The following TENM2 variants were observed in gnomAD, a reference collection of about 807,000 sequenced individuals.
TENM2 encodes teneurin transmembrane protein 2, also known as teneurin-2.
TENM2 carries 52 observed loss-of-function variants against 245.2 expected under a neutral mutation model. That is an observed-to-expected ratio of 0.21 (90% CI 0.17 to 0.27). The LOEUF is 0.27. Among genes scored for constraint, TENM2 ranks in the 10% least tolerant of loss-of-function variants. TENM2 has a pLI of 1.00. For missense variants in TENM2, 3,046 were observed against 3,666.8 expected, an observed-to-expected ratio of 0.83 and a Z score of 4.37; for synonymous variants, 1,363 against 1,438.9, an observed-to-expected ratio of 0.95 and a Z score of 1.19.
intron 2 of TENM2, among the ~76,000 whole-genome samples, chr5:167,555,520 C>T (rs1773212834): frequency 6.6e-6 from 1 of 152,156 alleles, no homozygotes; most frequent in African/African-American, 2.4e-5. Context: ...TTTTGTACAA[C>T]ATAAGAAGTC....
intron 13 of TENM2, among the ~76,000 whole-genome samples, chr5:168,177,727 C>G (rs1759483411): frequency 6.6e-6 from 1 of 152,220 alleles, no homozygotes; most frequent in African/African-American, 2.4e-5. Context: ...GTCCCAGCTA[C>G]TCAGCAGGCT....
At chr5:167,096,206 T>G in the TENM2 span, among the ~76,000 whole-genome samples, 1 of 152,180 alleles carries the variant, frequency 6.6e-6, no homozygotes, top group Non-Finnish European at 1.5e-5. Flanking sequence ...TGGAATAAAA[T>G]AAAATCAAGC....
chr5:167,409,897 C>A (rs976127556), intron 2 of TENM2, among the ~76,000 whole-genome samples: 1 of 151,688 alleles, frequency 6.6e-6, no homozygotes, highest in Admixed American at 6.6e-5. Flanking sequence ...TGAGAATCTT[C>A]TTTGTTAGTT....
At chr5:167,144,020 A>C in the TENM2 span, among the ~76,000 whole-genome samples, 1 of 152,176 alleles carries the variant, frequency 6.6e-6, no homozygotes, top group African/African-American at 2.4e-5. Context: ...ATCGCTCATC[A>C]AGGCAGCTGT....
chr5:167,458,428 A>G (rs1766054767), intron 2 of TENM2, among the ~76,000 whole-genome samples: 1 of 142,782 alleles, frequency 7.0e-6, no homozygotes, highest in African/African-American at 2.5e-5. Flanking sequence ...CACAGGTTGC[A>G]GTGAACTGAG....
intron 2 of TENM2, among the ~76,000 whole-genome samples, chr5:167,585,415 T>C (rs954554383): frequency 3.3e-5 from 5 of 152,212 alleles, no homozygotes; most frequent in Non-Finnish European, 7.3e-5. Context: ...CTCTGAGCAT[T>C]GTGATCATGA....
At chr5:167,741,247 G>A (rs139114701) in intron 2 of TENM2, among the ~76,000 whole-genome samples, 16 of 152,216 alleles carry the variant, frequency 1.1e-4, no homozygotes, top group African/African-American at 3.6e-4. Flanking sequence ...GGCACTTTAT[G>A]TTGTGGCCAC....
intron 2 of TENM2, among the ~76,000 whole-genome samples, chr5:167,875,691 G>C (rs1427400756): frequency 6.6e-6 from 1 of 152,104 alleles, no homozygotes; most frequent in Non-Finnish European, 1.5e-5. Flanking sequence ...CTTAGATTAG[G>C]ACTGTAGCAG....
At chr5:167,834,291 C>T (rs1256115882) in intron 2 of TENM2, among the ~76,000 whole-genome samples, 1 of 152,164 alleles carries the variant, frequency 6.6e-6, no homozygotes, top group Non-Finnish European at 1.5e-5. Context: ...ATAGATCTTA[C>T]TACAAAAAGT....
rs34472313 is a variant in TENM2, at chr5:167,403,902, G to GT, written c.502+28443dup. ...TTCTTTATAGCATGATGCCACAACTGTTTTTTTTTTTTTTAAGTAATTTTT... is the reference window on the plus strand; with the variant it reads ...TTCTTTATAGCATGATGCCACAACTGTTTTTTTTTTTTTTTAAGTAATTTTT... On this transcript the variant is annotated intron_variant, in intron 2 of 28. Transcript: ENST00000518659. 9.6e-3 allele frequency among the ~76,000 whole-genome samples: 1,312 copies of GT among 136,694 alleles called. 13 individuals carry two copies. Among genetic ancestry groups the GT allele is most frequent in the Middle Eastern group, 0.031 (8 of 256 alleles). The allele number at this position is 136,694 out of a possible 152,430, so 89.7% of individuals were successfully genotyped here.
chr5:168,057,185 C>A (rs1562104900), intron 6 of TENM2, among the ~76,000 whole-genome samples: 1 of 152,086 alleles, frequency 6.6e-6, no homozygotes, highest in Admixed American at 6.5e-5. Flanking sequence ...GCTTGTTTAA[C>A]AATATGGATA....
At chr5:167,410,289 A>G (rs2127402680) in intron 2 of TENM2, among the ~76,000 whole-genome samples, 1 of 152,186 alleles carries the variant, frequency 6.6e-6, no homozygotes, top group East Asian at 1.9e-4. Context: ...ATCTTTATGA[A>G]GGCAAATATC....
At chr5:167,018,042 A>G in the TENM2 span, among the ~76,000 whole-genome samples, 3 of 152,304 alleles carry the variant, frequency 2.0e-5, no homozygotes, top group Middle Eastern at 3.4e-3. Context: ...ATAACATTGA[A>G]TAGTCCTTTA....
chr5:168,142,865 T>C (rs1314334105), intron 12 of TENM2, among the ~76,000 whole-genome samples: 1 of 152,230 alleles, frequency 6.6e-6, no homozygotes, highest in African/African-American at 2.4e-5. Flanking sequence ...ATATAGTAGA[T>C]GCTCAGTAAG....
At chr5:167,692,079 T>G (rs1241918693) in intron 2 of TENM2, among the ~76,000 whole-genome samples, 1 of 152,042 alleles carries the variant, frequency 6.6e-6, no homozygotes, top group Admixed American at 6.6e-5. Flanking sequence ...CCTGCCCTCT[T>G]TGCCACCCCG....
intron 6 of TENM2, among the ~76,000 whole-genome samples, chr5:168,060,535 T>G (rs1789948456): frequency 6.6e-6 from 1 of 152,194 alleles, no homozygotes; most frequent in Non-Finnish European, 1.5e-5. Flanking sequence ...AAAGATGAGA[T>G]GTGAAGGAGG....
At chr5:167,112,878 T>C in the TENM2 span, among the ~76,000 whole-genome samples, 1 of 152,168 alleles carries the variant, frequency 6.6e-6, no homozygotes, top group Non-Finnish European at 1.5e-5. Context: ...GTGGGCCAAA[T>C]AGATAGAACA....
chr5:168,254,070 T>G (rs1225875877), intron 27 of TENM2, among the ~76,000 whole-genome samples: 1 of 152,228 alleles, frequency 6.6e-6, no homozygotes, highest in Non-Finnish European at 1.5e-5. Context: ...AACCTCCTTC[T>G]CACATCATCC....
chr5:168,090,766 C>T, exon 8 of TENM2: 1 of 1,613,234 alleles, frequency 6.2e-7, no homozygotes, highest in Non-Finnish European at 8.5e-7. Context: ...TACTGTTGTC[C>T]TAGGTAGGTG....
Sources: allele counts gnomAD v4.1 joint callset (sites outside exome capture counted in the v4.1 genomes callset), GRCh38; gene constraint gnomAD v4.1.1; transcripts MANE v1.5; gene names NCBI Gene and HGNC (gene_info 2026-07-23, HGNC 2026-07-21).